The following CXCL13 variants were observed in gnomAD, a reference collection of about 807,000 sequenced individuals.
CXCL13 encodes the protein C-X-C motif chemokine ligand 13.
A neutral mutation model predicts 12.2 loss-of-function variants in CXCL13; 7 were observed. The ratio of observed to expected loss-of-function variants is 0.57; its 90% confidence interval spans 0.33 to 1.07. The LOEUF (loss-of-function observed/expected upper bound fraction) is 1.07, where lower values mean the gene tolerates loss of function less well. Among genes scored for constraint, CXCL13 ranks in the 50% least tolerant of loss-of-function variants. CXCL13 has a pLI of 0.04. For missense variants in CXCL13, 113 were observed against 127.4 expected (o/e 0.89, Z 0.55); for synonymous variants, 47 against 42.4 (o/e 1.11, Z -0.42).
At chr4:77,557,357 G>A (rs1303620655) in intron 1 of CXCL13, among the ~76,000 whole-genome samples, 1 of 152,114 alleles carries the variant, frequency 6.6e-6, no homozygotes, top group African/African-American at 2.4e-5. Context: ...CTGCTGCAGG[G>A]GGCCTGGAAC....
At chr4:77,531,576 G>A (rs1021306695) in intron 1 of CXCL13, among the ~76,000 whole-genome samples, 1 of 152,060 alleles carries the variant, frequency 6.6e-6, no homozygotes, top group African/African-American at 2.4e-5. Flanking sequence ...TTGGTGCAGA[G>A]CTGAGATCAA....
intron 1 of CXCL13, among the ~76,000 whole-genome samples, chr4:77,516,483 G>A (rs987007907): frequency 6.6e-6 from 1 of 152,158 alleles, no homozygotes. Flanking sequence ...CACAATTTCA[G>A]CTCCTGTTAT....
intron 1 of CXCL13, among the ~76,000 whole-genome samples, chr4:77,527,976 G>A (rs1307248618): frequency 1.3e-5 from 2 of 151,700 alleles, no homozygotes; most frequent in Non-Finnish European, 2.9e-5. Flanking sequence ...TCCCCTTCCT[G>A]TGTCCATGTG....
At chr4:77,564,959 C>T (rs565741543) in intron 1 of CXCL13, among the ~76,000 whole-genome samples, 2 of 152,146 alleles carry the variant, frequency 1.3e-5, no homozygotes, top group African/African-American at 2.4e-5. Context: ...GGAGCCCACA[C>T]GGGGTTTTCC....
intron 1 of CXCL13, among the ~76,000 whole-genome samples, chr4:77,518,261 C>T (rs1000066223): frequency 6.6e-6 from 1 of 152,148 alleles, no homozygotes; most frequent in Non-Finnish European, 1.5e-5. Context: ...GTAAATCTGA[C>T]AATTCTGTGT....
chr4:77,552,330 G>A (rs1370189994), intron 1 of CXCL13, among the ~76,000 whole-genome samples: 2 of 152,020 alleles, frequency 1.3e-5, no homozygotes, highest in Admixed American at 6.5e-5. Flanking sequence ...TGACTGTAGA[G>A]AATCCTAGGT....
chr4:77,519,381 C>A (rs376408778), intron 1 of CXCL13, among the ~76,000 whole-genome samples: 2 of 152,298 alleles, frequency 1.3e-5, no homozygotes, highest in East Asian at 3.9e-4. Context: ...GAGCTGTAGA[C>A]CGGAGCTGTT....
At chr4:77,534,067 G>A (rs183073197) in intron 1 of CXCL13, among the ~76,000 whole-genome samples, 1 of 152,280 alleles carries the variant, frequency 6.6e-6, no homozygotes, top group Admixed American at 6.5e-5. Flanking sequence ...ACACTCCCCA[G>A]TGAGATGAAC....
chr4:77,513,045 C>T (rs1037895518), intron 1 of CXCL13, among the ~76,000 whole-genome samples: 1 of 152,032 alleles, frequency 6.6e-6, no homozygotes, highest in East Asian at 1.9e-4. Context: ...TTTCTGTCCT[C>T]GTGATAGTTT....
intron 1 of CXCL13, among the ~76,000 whole-genome samples, chr4:77,579,070 C>T (rs1726256884): frequency 6.6e-6 from 1 of 152,228 alleles, no homozygotes. Flanking sequence ...AAGGGCTACA[C>T]TCTGAGGATG....
chr4:77,521,228 T>C (rs1047057654), intron 1 of CXCL13, among the ~76,000 whole-genome samples: 3 of 152,248 alleles, frequency 2.0e-5, no homozygotes, highest in Non-Finnish European at 4.4e-5. Flanking sequence ...GATGCTGGCC[T>C]CATAAATGAG....
intron 3 of CXCL13, 113 bp from the exon 4 acceptor site, chr4:77,610,875 C>G (rs1001164744): frequency 2.0e-6 from 2 of 1,017,880 alleles, no homozygotes; most frequent in East Asian, 4.8e-5. Context: ...GCTCAGTAAA[C>G]CAAACTAGAT....
chr4:77,562,379 C>T (rs966316422), intron 1 of CXCL13, among the ~76,000 whole-genome samples: 2 of 152,146 alleles, frequency 1.3e-5, no homozygotes, highest in African/African-American at 4.8e-5. Flanking sequence ...GGTGCAGGAT[C>T]CACCAGGTGA....
At chr4:77,540,741 G>T (rs1725189012) in intron 1 of CXCL13, among the ~76,000 whole-genome samples, 1 of 152,160 alleles carries the variant, frequency 6.6e-6, no homozygotes, top group South Asian at 2.1e-4. Context: ...AAGTGCGTGT[G>T]GTTTTTTGGT....
intron 1 of CXCL13, among the ~76,000 whole-genome samples, chr4:77,563,074 C>G (rs939628122): frequency 2.0e-5 from 3 of 152,242 alleles, no homozygotes; most frequent in Non-Finnish European, 2.9e-5. Flanking sequence ...TAACACTCAC[C>G]ACGAAGGTCT....
At chr4:77,544,254 A>G (rs1043494228) in intron 1 of CXCL13, among the ~76,000 whole-genome samples, 7 of 152,204 alleles carry the variant, frequency 4.6e-5, no homozygotes, top group African/African-American at 1.7e-4. Flanking sequence ...TCCTTTGGGC[A>G]TATACCAAGT....
At chr4:77,605,315 T>C (rs1173694893), upstream of CXCL13, among the ~76,000 whole-genome samples, 2 of 152,168 alleles carry the variant, frequency 1.3e-5, no homozygotes, top group South Asian at 2.1e-4. Context: ...GGAAAATCAA[T>C]AGCATAATCA....
At chr4:77,555,163 T>A (rs989651792) in intron 1 of CXCL13, among the ~76,000 whole-genome samples, 2 of 151,848 alleles carry the variant, frequency 1.3e-5, no homozygotes, top group African/African-American at 2.4e-5. Flanking sequence ...TTTGAAAAAT[T>A]GTTGTTTCTA....
intron 1 of CXCL13, among the ~76,000 whole-genome samples, chr4:77,516,915 A>G (rs966879238): frequency 3.3e-5 from 5 of 151,408 alleles, no homozygotes; most frequent in African/African-American, 1.2e-4. Flanking sequence ...TCAATTTTGG[A>G]TCTTTCCTGC....
Sources: gnomAD v4.1 joint callset for allele counts (sites outside exome capture counted in the v4.1 genomes callset) on GRCh38, gnomAD v4.1.1 for gene constraint, MANE v1.5 for transcripts, NCBI Gene and HGNC (gene_info 2026-07-23, HGNC 2026-07-21) for gene names.